MBD5: variants seen among roughly 807,000 people sequenced by gnomAD.
The protein encoded by MBD5 is methyl-CpG binding domain protein 5.
Under a neutral mutation model 117.3 loss-of-function variants are expected in MBD5, and 13 were observed. The observed-to-expected ratio is 0.11, with a 90% CI of 0.07 to 0.18. The LOEUF (loss-of-function observed/expected upper bound fraction) is 0.18, where lower values mean the gene tolerates loss of function less well. Among genes scored for constraint, MBD5 ranks in the 10% least tolerant of loss-of-function variants. The probability of loss-of-function intolerance (pLI) is 1.00; values close to 1 mark genes in which losing one functional copy is unlikely to be tolerated. For missense variants in MBD5, 1,879 were observed against 2,093.8 expected, an observed-to-expected ratio of 0.90 and a Z score of 2.00; for synonymous variants, 727 against 766.4, an observed-to-expected ratio of 0.95 and a Z score of 0.85.
At chr2:148,292,809 C>T (rs572585183) in intron 3 of MBD5, among the ~76,000 whole-genome samples, 38 of 151,692 alleles carry the variant, frequency 2.5e-4, no homozygotes, top group African/African-American at 8.5e-4. Flanking sequence ...GCTAGAGATT[C>T]GGGAGCAAGC....
At chr2:148,043,801 A>G (rs1694442707) in intron 1 of MBD5, among the ~76,000 whole-genome samples, 1 of 152,236 alleles carries the variant, frequency 6.6e-6, no homozygotes. Flanking sequence ...TGGGTCTGTC[A>G]GTACCTATGA....
At chr2:148,028,086 A>G (rs541191961) in intron 1 of MBD5, 1 of 152,194 alleles carries the variant, frequency 6.6e-6, no homozygotes, top group African/African-American at 2.4e-5. Context: ...AACTTATATT[A>G]TGGTATAATT....
At chr2:148,102,700 T>TCACA (rs72105542) in intron 1 of MBD5, among the ~76,000 whole-genome samples, 123 of 131,772 alleles carry the variant, frequency 9.3e-4, no homozygotes, top group South Asian at 1.8e-3. Context: ...GAGAGAGAGA[T>TCACA]CACACACACA....
At chr2:148,186,496 A>C (rs1175243514) in intron 2 of MBD5, among the ~76,000 whole-genome samples, 1 of 152,226 alleles carries the variant, frequency 6.6e-6, no homozygotes, top group Non-Finnish European at 1.5e-5. Flanking sequence ...ATCATGGAGG[A>C]AACACTTTAC....
chr2:148,232,771 C>T (rs184832274), intron 2 of MBD5, among the ~76,000 whole-genome samples: 60 of 151,340 alleles, frequency 4.0e-4, no homozygotes, highest in African/African-American at 1.3e-3. Flanking sequence ...GTATCTGTTG[C>T]GTGAATGGTA....
intron 4 of MBD5, among the ~76,000 whole-genome samples, chr2:148,431,193 T>G (rs547671434): frequency 6.6e-6 from 1 of 152,294 alleles, no homozygotes; most frequent in East Asian, 1.9e-4. Flanking sequence ...AAAAGGCTGG[T>G]GTTAAAACTT....
intron 3 of MBD5, among the ~76,000 whole-genome samples, chr2:148,331,763 A>G (rs1702663100): frequency 6.6e-6 from 1 of 152,142 alleles, no homozygotes; most frequent in South Asian, 2.1e-4. Flanking sequence ...AAGTTTGTTT[A>G]CAGTTGTGAC....
intron 1 of MBD5, among the ~76,000 whole-genome samples, chr2:148,108,685 C>T (rs559957310): frequency 1.3e-5 from 2 of 152,228 alleles, no homozygotes; most frequent in African/African-American, 2.4e-5. Flanking sequence ...TTGCTAGCTC[C>T]TGGGTACATT....
intron 1 of MBD5, among the ~76,000 whole-genome samples, chr2:148,130,692 A>T (rs1277916317): frequency 6.6e-6 from 1 of 152,170 alleles, no homozygotes; most frequent in Non-Finnish European, 1.5e-5. Context: ...GAAGGAAAAA[A>T]CAGTCGTGTT....
chr2:148,328,511 C>T lies in MBD5; in HGVS notation c.-679-13703C>T, dbSNP rs578010980. Among the ~76,000 whole-genome samples the T allele has an allele frequency of 2.6e-5, 4 of 152,328 alleles. No individual in the cohort carries two copies. In the South Asian group the frequency reaches 6.2e-4, roughly 24 times the overall value. The stretch of plus-strand genomic sequence containing the variant: ...CAGCCAGACTCTGTGGGCGTAGGAC[C>T]CTCCGACCCAGGTGCAGGATATAAT... On this transcript the variant is annotated intron_variant, in intron 3 of 13. Transcript: ENST00000642680.
At chr2:148,424,548 C>T (rs987428306) in intron 4 of MBD5, among the ~76,000 whole-genome samples, 21 of 152,106 alleles carry the variant, frequency 1.4e-4, no homozygotes, top group Admixed American at 8.5e-4. Flanking sequence ...TAGACATCTA[C>T]AGAACTCTTC....
At chr2:148,126,975 T>C (rs1696912449) in intron 1 of MBD5, among the ~76,000 whole-genome samples, 1 of 140,504 alleles carries the variant, frequency 7.1e-6, no homozygotes. Context: ...CTTTTTTTCT[T>C]TCTTTTTTTT....
chr2:148,180,354 ATATATATG>A lies in MBD5; in HGVS notation c.-831+1573_-831+1580del, dbSNP rs1254029365. Among the ~76,000 whole-genome samples the A allele has an allele frequency of 9.0e-4, 105 of 116,524 alleles. 1 individual carries two copies. The highest frequency in any genetic ancestry group is 9.4e-3 in the Middle Eastern group (2 of 212). 76.4% of individuals were successfully genotyped at this position (116,524 alleles called of 152,430 possible). A position where few individuals can be genotyped will look rare whatever the true frequency, so the allele number is the denominator to read the frequency against. On this transcript the variant is annotated intron_variant, in intron 2 of 13. Transcript: ENST00000642680. ...AAAAAAAAATTATACATATATATAT[ATATATATG>A]TATATATGTATCTTTTACTTTAAGA...
At chr2:148,479,449 A>G (rs1243976937) in intron 8 of MBD5, among the ~76,000 whole-genome samples, 2 of 152,180 alleles carry the variant, frequency 1.3e-5, no homozygotes, top group Non-Finnish European at 1.5e-5. Flanking sequence ...TCTTTTTAAT[A>G]CTAACAAATA....
At chr2:148,062,176 G>C (rs1211543149) in intron 1 of MBD5, 1 of 151,290 alleles carries the variant, frequency 6.6e-6, no homozygotes, top group African/African-American at 2.4e-5. Flanking sequence ...AAGATGAATA[G>C]ATGTAACCAT....
intron 3 of MBD5, among the ~76,000 whole-genome samples, chr2:148,296,946 C>T (rs957977041): frequency 2.3e-4 from 30 of 129,240 alleles, no homozygotes; most frequent in African/African-American, 8.5e-4. Flanking sequence ...ACAATTTTGG[C>T]TCACTGCAAC....
chr2:148,461,122 G>C (rs1707061571), intron 5 of MBD5, among the ~76,000 whole-genome samples: 1 of 152,022 alleles, frequency 6.6e-6, no homozygotes, highest in African/African-American at 2.4e-5. Context: ...TAGTAGAGAC[G>C]GGGTTTCACC....
At chr2:148,298,479 A>G (rs2106467103) in intron 3 of MBD5, among the ~76,000 whole-genome samples, 1 of 152,354 alleles carries the variant, frequency 6.6e-6, no homozygotes, top group Non-Finnish European at 1.5e-5. Context: ...ATTGTCTTGC[A>G]CAAATGTTTC....
At position 148,512,950 on chromosome 2, in the gene MBD5, A is replaced by G. The variant is rs947298836; in HGVS notation, c.*9A>G. Reference sequence around the variant, plus strand: ...GGAAGATCTCCAGATAACAGAGACTACTCCACTAATGCGCAGTGTTTATTA... The same window carrying G: ...GGAAGATCTCCAGATAACAGAGACTGCTCCACTAATGCGCAGTGTTTATTA... On this transcript the variant is annotated 3_prime_UTR_variant, in exon 14 of 14. Transcript: ENST00000642680. 20 of 1,610,626 alleles carry G rather than the reference A, an allele frequency of 1.2e-5. No homozygotes were observed. The highest frequency in any genetic ancestry group is 1.7e-5 in the Non-Finnish European group (20 of 1,177,124).
Sources: gnomAD v4.1 joint callset for allele counts (sites outside exome capture counted in the v4.1 genomes callset) on GRCh38, gnomAD v4.1.1 for gene constraint, MANE v1.5 for transcripts, NCBI Gene and HGNC (gene_info 2026-07-23, HGNC 2026-07-21) for gene names.